The following ACBD5 variants were observed in gnomAD, a reference collection of about 807,000 sequenced individuals.
ACBD5 encodes acyl-CoA binding domain containing 5.
In ACBD5, 40 loss-of-function variants were observed where a neutral mutation model predicts 71.8. The observed-to-expected ratio is 0.56, with a 90% CI of 0.43 to 0.72. ACBD5 has a LOEUF of 0.72. Ranked by LOEUF, ACBD5 falls within the 30% of genes least tolerant of loss-of-function variation. The pLI, the probability that ACBD5 is intolerant of heterozygous loss-of-function variation, is 0.00. For missense variants in ACBD5, 559 were observed against 644.5 expected (o/e 0.87, Z 1.44); for synonymous variants, 229 against 218.6 (o/e 1.05, Z -0.42).
upstream of ACBD5, among the ~76,000 whole-genome samples, chr10:27,241,879 T>C (rs531185905): frequency 6.6e-6 from 1 of 151,816 alleles, no homozygotes; most frequent in Non-Finnish European, 1.5e-5. Flanking sequence ...AGGCCGAACG[T>C]TGGTGGTGGG....
At chr10:27,183,404 C>T (rs1025161665) in intron 13 of ACBD5, among the ~76,000 whole-genome samples, 3 of 152,016 alleles carry the variant, frequency 2.0e-5, no homozygotes, top group Non-Finnish European at 2.9e-5. Context: ...CTGCCTCAGC[C>T]CCCCAAGTAG....
chr10:27,207,559 G>A (rs2136938896), intron 10 of ACBD5, among the ~76,000 whole-genome samples: 1 of 152,228 alleles, frequency 6.6e-6, no homozygotes, highest in South Asian at 2.1e-4. Context: ...TATAATGTTT[G>A]CAGCTAGGTC....
At position 27,210,882 on chromosome 10, in the gene ACBD5, C is replaced by T; in HGVS notation, c.1136G>A (p.Ser379Asn). ...KHGGEDGRNN[S>N]GAPHREKRGG... ...TCGCTTCTCCCGGTGTGGTGCTCCG[C>T]TGTTATTCCTGCCATCTTCTCCTCC... is the stretch of plus-strand genomic sequence containing the variant. The change falls in exon 9 of 13, where the codon AGC (serine) becomes AAC (asparagine). Residue 379 changes from serine (S) to asparagine (N), a missense_variant. Transcript: ENST00000396271. 1 of 1,614,212 alleles carries T rather than the reference C, an allele frequency of 6.2e-7. No homozygotes were observed. Among genetic ancestry groups the T allele is most frequent in the Non-Finnish European group, 8.5e-7 (1 of 1,180,036 alleles).
At chr10:27,200,857 A>G (rs375453659) in intron 12 of ACBD5, among the ~76,000 whole-genome samples, 1 of 151,986 alleles carries the variant, frequency 6.6e-6, no homozygotes, top group Non-Finnish European at 1.5e-5. Context: ...TGGGGTCTGG[A>G]TTGGGGCCCC....
chr10:27,224,982 C>T (rs2062826946), intron 4 of ACBD5, among the ~76,000 whole-genome samples: 1 of 151,860 alleles, frequency 6.6e-6, no homozygotes, highest in Non-Finnish European at 1.5e-5. Flanking sequence ...AGTGAGCCAA[C>T]ATCACACCAC....
chr10:27,201,576 C>CT (rs1588993078), intron 12 of ACBD5, among the ~76,000 whole-genome samples: 1 of 152,190 alleles, frequency 6.6e-6, no homozygotes, highest in East Asian at 1.9e-4. Flanking sequence ...GCCGAGGCGG[C>CT]TGGATCACCT....
In ACBD5 at chr10:27,237,942, A is replaced by T. The variant is rs1440860645; in HGVS notation, c.181+2377T>A. Reference sequence around the variant, plus strand: ...ATAGGGTATCTTTTTTTTTAAATTTAATTTAATTTAATTTTATTTTATTTT... The same window carrying T: ...ATAGGGTATCTTTTTTTTTAAATTTTATTTAATTTAATTTTATTTTATTTT... On this transcript the variant is annotated intron_variant, in intron 2 of 12. Coordinates refer to ENST00000396271, the MANE Select transcript of ACBD5 (RefSeq NM_145698.5). 9.2e-5 allele frequency among the ~76,000 whole-genome samples: 13 copies of T among 141,338 alleles called. No homozygotes were observed. In the East Asian group the frequency reaches 1.1e-3, roughly 12 times the overall value. 92.7% of individuals were successfully genotyped at this position (141,338 alleles called of 152,430 possible).
intron 12 of ACBD5, among the ~76,000 whole-genome samples, chr10:27,199,246 T>A (rs1267691541): frequency 6.6e-6 from 1 of 151,012 alleles, no homozygotes; most frequent in African/African-American, 2.4e-5. Flanking sequence ...TGGAGTGCAG[T>A]GGCGCGCGAC....
In ACBD5 at chr10:27,215,589, G is replaced by T. The variant is rs775993976; in HGVS notation, c.882C>A (p.Ser294Arg). 13 of 1,613,390 alleles carry T rather than the reference G, an allele frequency of 8.1e-6. No individual in the cohort carries two copies. Among genetic ancestry groups the T allele is most frequent in the Non-Finnish European group, 1.1e-5 (13 of 1,179,722 alleles). The change falls in exon 8 of 13, where the codon AGC becomes AGA. Residue 294 changes from serine to arginine, a missense_variant. Physicochemically the swap from Ser to Arg is moderately radical, Grantham distance 110. Transcript: ENST00000396271. ...CACAGTAAACTTCACTGTCTGAATC[G>T]CTTGTCAAATGCTGAATTCCTGTAA... The part of the protein sequence containing the change: ...EDVTGIQHLT[S>R]DSDSEVYCDS...
chr10:27,237,240 T>C (rs541033317), intron 2 of ACBD5, among the ~76,000 whole-genome samples: 4 of 152,294 alleles, frequency 2.6e-5, no homozygotes, highest in African/African-American at 7.2e-5. Flanking sequence ...ACCGAGAACA[T>C]TTATTGAGTG....
In ACBD5 at chr10:27,218,150, T is replaced by G. The variant is rs745591010; in HGVS notation, c.659A>C (p.Lys220Thr). The change falls in exon 7 of 13, where the codon AAG becomes ACG. Residue 220 changes from lysine to threonine, a missense_variant. Physicochemically the swap from Lys to Thr is moderately conservative, Grantham distance 78. Coordinates refer to ENST00000396271, the MANE Select transcript of ACBD5 (RefSeq NM_145698.5). ...KKMMKKSADHKNLEVIVTNGY... is the reference protein window; with the variant it reads ...KKMMKKSADHTNLEVIVTNGY... ...ATTAGTGACAATGACTTCCAAATTCTTATGGTCTGCTGACTTCTTCATCAT... is the reference window on the plus strand; with the variant it reads ...ATTAGTGACAATGACTTCCAAATTCGTATGGTCTGCTGACTTCTTCATCAT... 1.2e-5 allele frequency: 19 copies of G among 1,614,092 alleles called. No individual in the cohort carries two copies. The Admixed American group carries it at 3.2e-4, about 27-fold the overall frequency.
chr10:27,197,471 C>A, intron 12 of ACBD5, 29 bp from the exon 13 acceptor site: 1 of 1,566,674 alleles, frequency 6.4e-7, no homozygotes, highest in East Asian at 2.3e-5. Context: ...AACCAATTTC[C>A]TGTGAGTATG....
chr10:27,189,852 G>GA (rs1208979208), intron 13 of ACBD5, among the ~76,000 whole-genome samples: 1 of 151,332 alleles, frequency 6.6e-6, no homozygotes, highest in Non-Finnish European at 1.5e-5. Context: ...AGAGTAAAAA[G>GA]AAAAAATAAG....
chr10:27,201,581 T>A (rs912678539), intron 12 of ACBD5, among the ~76,000 whole-genome samples: 9 of 152,206 alleles, frequency 5.9e-5, no homozygotes, highest in Admixed American at 5.9e-4. Context: ...GGCGGCTGGA[T>A]CACCTGAGAT....
intron 11 of ACBD5, among the ~76,000 whole-genome samples, chr10:27,204,846 G>A (rs993787691): frequency 3.3e-5 from 5 of 152,132 alleles, no homozygotes; most frequent in Non-Finnish European, 5.9e-5. Context: ...TGAAACCATG[G>A]GCCGGGCGCG....
At chr10:27,208,485 C>T in intron 9 of ACBD5, 40 bp from the exon 10 acceptor site, 1 of 1,593,888 alleles carries the variant, frequency 6.3e-7, no homozygotes, top group Admixed American at 1.7e-5. Context: ...TTAAATAATT[C>T]TTATACAAGT....
chr10:27,190,056 G>A (rs1416036749), intron 13 of ACBD5, among the ~76,000 whole-genome samples: 1 of 152,138 alleles, frequency 6.6e-6, no homozygotes, highest in African/African-American at 2.4e-5. Flanking sequence ...AGGCTGAGAC[G>A]AGTGGATCAC....
intron 12 of ACBD5, 66 bp from the exon 13 acceptor site, chr10:27,197,508 C>CATA: frequency 1.7e-6 from 2 of 1,171,998 alleles, no homozygotes; most frequent in Non-Finnish European, 2.5e-6. Flanking sequence ...TGGATGGTAA[C>CATA]ATAATAATAA....
chr10:27,219,922 T>G, intron 5 of ACBD5, 65 bp from the exon 6 acceptor site: 1 of 1,457,870 alleles, frequency 6.9e-7, no homozygotes, highest in Non-Finnish European at 9.4e-7. Flanking sequence ...AATTTCCAAG[T>G]AATACTAATA....
Sources: gnomAD v4.1 joint callset for allele counts (sites outside exome capture counted in the v4.1 genomes callset) on GRCh38, gnomAD v4.1.1 for gene constraint, MANE v1.5 for transcripts, NCBI Gene and HGNC (gene_info 2026-07-23, HGNC 2026-07-21) for gene names.